The following ANKS3 variants were observed in gnomAD, a reference collection of about 807,000 sequenced individuals.
ANKS3 encodes the protein ankyrin repeat and SAM domain-containing protein 3.
Under a neutral mutation model 80.7 loss-of-function variants are expected in ANKS3, and 62 were observed. The ratio of observed to expected loss-of-function variants is 0.77; its 90% CI spans 0.63 to 0.95. The LOEUF is 0.95. Among genes scored for constraint, ANKS3 ranks in the 40% least tolerant of loss-of-function variants. The pLI is 0.00. For synonymous variants in ANKS3, 489 were observed against 355.3 expected (o/e 1.38, Z -4.23); for missense variants, 1,150 against 883.6 (o/e 1.30, Z -3.82).
At chr16:4,710,558 C>G (rs1017886379) in intron 7 of ANKS3, among the ~76,000 whole-genome samples, 2 of 151,946 alleles carry the variant, frequency 1.3e-5, no homozygotes, top group African/African-American at 4.8e-5. Flanking sequence ...AAAATACAAA[C>G]GTAAGCTGGG....
At chr16:4,724,679 G>C (rs969553316) in intron 6 of ANKS3, 71 bp downstream of exon 6, 24 of 1,416,512 alleles carry the variant, frequency 1.7e-5, no homozygotes, top group Non-Finnish European at 2.3e-5. Context: ...TTCTGTAATA[G>C]CTTATACTTC....
chr16:4,714,262 G>C, intron 6 of ANKS3, 76 bp from the exon 7 acceptor site: 1 of 1,578,562 alleles, frequency 6.3e-7, no homozygotes, highest in Admixed American at 1.8e-5. Context: ...TGGCTGGGAA[G>C]ACAGAAGGGC....
intron 6 of ANKS3, among the ~76,000 whole-genome samples, chr16:4,715,263 G>T (rs1269481936): frequency 6.6e-6 from 1 of 152,000 alleles, no homozygotes; most frequent in Non-Finnish European, 1.5e-5. Context: ...AACACAGCAT[G>T]AACCCACCTC....
At position 4,730,125 on chromosome 16, in the gene ANKS3, T is replaced by A; in HGVS notation, c.25A>T (p.Ser9Cys). Residue 9 changes from serine to cysteine, a missense_variant, in exon 3 of 18, where the codon AGC (serine) becomes TGC (cysteine). By Grantham distance (112) the Ser-to-Cys change is moderately radical (BLOSUM62 -1). Transcript: ENST00000304283. ...CTGCGGTTCAGGAGTTCCGGCTCGC[T>A]GGCTTCATCGCTGAGCTCGGACATC... MSELSDEA[S>C]EPELLNRSLS... The A allele has an allele frequency of 1.3e-6, 2 of 1,583,698 alleles. No homozygotes were observed. Among genetic ancestry groups the A allele is most frequent in the Non-Finnish European group, 1.7e-6 (2 of 1,161,676 alleles).
In ANKS3 at chr16:4,698,597, G is replaced by A; in HGVS notation, c.1554C>T (p.Arg518=). The change falls in exon 14 of 18, where the codon CGC becomes CGT. Residue 518 remains arginine (R), a splice_region_variant and synonymous_variant. Transcript: ENST00000304283. ...CCCGCGTGGCCTCTACCTCCTCGCAGCGCTGCAGGGGGGTGGGGGGCGCGG... is the reference window on the plus strand; with the variant it reads ...CCCGCGTGGCCTCTACCTCCTCGCAACGCTGCAGGGGGGTGGGGGGCGCGG... ...MQELAIQLHK[R]CEEVEATRGQ... 2 of 1,559,178 alleles carry A rather than the reference G, an allele frequency of 1.3e-6. No homozygotes were observed. The highest frequency in any genetic ancestry group is 8.6e-7 in the Non-Finnish European group (1 of 1,160,038).
At chr16:4,732,376 C>T (rs1279101338) in intron 1 of ANKS3, among the ~76,000 whole-genome samples, 1 of 152,138 alleles carries the variant, frequency 6.6e-6, no homozygotes, top group Non-Finnish European at 1.5e-5. Context: ...CAGGGTGAGG[C>T]CGTGTTCTCT....
intron 2 of ANKS3, among the ~76,000 whole-genome samples, chr16:4,731,007 A>G (rs547391845): frequency 6.6e-6 from 1 of 152,364 alleles, no homozygotes; most frequent in Admixed American, 6.5e-5. Flanking sequence ...ACATCCATAT[A>G]ATGGATGCTA....
At position 4,698,940 on chromosome 16, in the gene ANKS3, G is replaced by C. The variant is rs1253249696; in HGVS notation, c.1411C>G (p.Leu471Val). 1 of 1,603,110 alleles carries C rather than the reference G, an allele frequency of 6.2e-7. No individual in the cohort carries two copies. The highest frequency in any genetic ancestry group is 2.2e-5 in the East Asian group (1 of 44,702). Residue 471 changes from leucine (L) to valine (V), a missense_variant and splice_region_variant, in exon 13 of 18, where the codon CTG becomes GTG. Transcript: ENST00000304283. ...GTCATCTTCCTCTTGGGCCCAAACA[G>C]CCTGCGGGGGGAATGTGACCAGGAT... Reference protein sequence around the residue: ...ESDLKEIGITLFGPKRKMTSA... With the variant: ...ESDLKEIGITVFGPKRKMTSA...
At chr16:4,722,054 T>C (rs933113662) in intron 6 of ANKS3, among the ~76,000 whole-genome samples, 8 of 150,920 alleles carry the variant, frequency 5.3e-5, no homozygotes, top group African/African-American at 1.7e-4. Context: ...ATTCCCAGAG[T>C]CGCCCGTGGG....
intron 2 of ANKS3, among the ~76,000 whole-genome samples, chr16:4,730,990 C>T (rs942303085): frequency 2.0e-5 from 3 of 152,110 alleles, no homozygotes; most frequent in African/African-American, 7.2e-5. Context: ...GATAAACAAA[C>T]GGTGGCACAT....
intron 6 of ANKS3, among the ~76,000 whole-genome samples, chr16:4,716,371 A>T (rs894494788): frequency 6.6e-6 from 1 of 150,970 alleles, no homozygotes; most frequent in African/African-American, 2.4e-5. Flanking sequence ...AAAAAAAAAA[A>T]AAAAAAAAAA....
rs569057399 is a variant in ANKS3, at chr16:4,721,104, G to A, written c.573+3646C>T. On this transcript the variant is annotated intron_variant, in intron 6 of 17. Transcript: ENST00000304283. ...GCGGATCACGAGGTCAGGAGATCGA[G>A]ACCATCCTGGCTAACGCGGTGAAAC... Among the ~76,000 whole-genome samples the A allele has an allele frequency of 1.7e-4, 25 of 148,036 alleles. 1 individual carries two copies. Among genetic ancestry groups the A allele is most frequent in the African/African-American group, 6.0e-4 (24 of 40,168 alleles).
At position 4,699,127 on chromosome 16, in the gene ANKS3, A is replaced by C. The variant is rs1287062412; in HGVS notation, c.1334T>G (p.Val445Gly). ...GAGGTCCACGTCCTGCTCCTCAAAC[A>C]CCTGCAGGTACTTCAGACACCCGAT... ...EQIGCLKYLQ[V>G]FEEQDVDLRI... Residue 445 changes from valine (V) to glycine (G), a missense_variant, in exon 12 of 18, where the codon GTG (valine) becomes GGG (glycine). Physicochemically the swap from Val to Gly is moderately radical, Grantham distance 109. Transcript: ENST00000304283. 6.2e-7 allele frequency: 1 copy of C among 1,613,896 alleles called. No individual in the cohort carries two copies. Among genetic ancestry groups the C allele is most frequent in the Non-Finnish European group, 8.5e-7 (1 of 1,179,986 alleles).
chr16:4,727,299 C>G, intron 3 of ANKS3, 122 bp from the exon 4 acceptor site: 1 of 1,000,230 alleles, frequency 1.0e-6, no homozygotes, highest in East Asian at 2.6e-5. Context: ...ATCTGCCACC[C>G]TGGACGTTGT....
intron 6 of ANKS3, among the ~76,000 whole-genome samples, chr16:4,714,760 G>A (rs113523959): frequency 0.11 from 17,334 of 151,082 alleles, 1,251 homozygotes; most frequent in Middle Eastern, 0.21. Flanking sequence ...TTGGGAGGCC[G>A]AGGTGGGCAG....
At chr16:4,716,655 C>T (rs927258714) in intron 6 of ANKS3, among the ~76,000 whole-genome samples, 32 of 151,904 alleles carry the variant, frequency 2.1e-4, no homozygotes, top group African/African-American at 6.5e-4. Flanking sequence ...CAGTGGCTCA[C>T]GCCTGTAATC....
At chr16:4,703,524 G>T (rs564579092) in intron 8 of ANKS3, among the ~76,000 whole-genome samples, 1 of 150,332 alleles carries the variant, frequency 6.7e-6, no homozygotes, top group African/African-American at 2.4e-5. Flanking sequence ...GGGTTCAACC[G>T]ATTCTCCTGC....
At chr16:4,705,364 G>A in intron 7 of ANKS3, 111 bp from the exon 8 acceptor site, 2 of 1,313,942 alleles carry the variant, frequency 1.5e-6, no homozygotes, top group Non-Finnish European at 2.1e-6. Context: ...AAATTAAGGA[G>A]AAGGGTATCT....
intron 11 of ANKS3, chr16:4,699,924 T>C (rs1238029587): frequency 1.3e-5 from 2 of 152,392 alleles, no homozygotes; most frequent in Non-Finnish European, 2.9e-5. Flanking sequence ...CAAACAAATG[T>C]TACTCTGACA....
Sources: gnomAD v4.1 joint callset for allele counts (sites outside exome capture counted in the v4.1 genomes callset) on GRCh38, gnomAD v4.1.1 for gene constraint, MANE v1.5 for transcripts, NCBI Gene and HGNC (gene_info 2026-07-23, HGNC 2026-07-21) for gene names.